PCDH11X: variants seen among roughly 807,000 people sequenced by gnomAD.
The protein encoded by PCDH11X is protocadherin 11 X-linked, also known as protocadherin-11 X-linked.
A neutral mutation model predicts 53.3 loss-of-function variants in PCDH11X; 18 were observed. That is an observed-to-expected ratio of 0.34 (90% CI 0.23 to 0.50). The LOEUF (loss-of-function observed/expected upper bound fraction) is 0.50. PCDH11X is among the 20% of genes least tolerant of loss of function. The probability of loss-of-function intolerance (pLI) is 0.98; values close to 1 mark genes in which losing one functional copy is unlikely to be tolerated. For missense variants in PCDH11X, 570 were observed against 1,032.4 expected (o/e 0.55, Z 6.14); for synonymous variants, 279 against 393.3 (o/e 0.71, Z 3.44).
intron 8 of PCDH11X, among the ~76,000 whole-genome samples, chrX:92,351,921 G>C (rs1010883027): frequency 9.0e-6 from 1 of 111,724 alleles, no homozygotes; most frequent in African/African-American, 3.3e-5. Context: ...TTATAAAGAA[G>C]ACATGTGAAG....
intron 6 of PCDH11X, among the ~76,000 whole-genome samples, chrX:92,020,119 C>T (rs1239871214): frequency 2.7e-5 from 3 of 112,636 alleles, no homozygotes; most frequent in Non-Finnish European, 3.8e-5. Context: ...GCCCCAACCA[C>T]GGAGCTGCAT....
In PCDH11X at chrX:92,575,978, G is replaced by GTATATA. The variant is rs1173562560; in HGVS notation, c.3368-42257_3368-42252dup. Among the ~76,000 whole-genome samples the GTATATA allele has an allele frequency of 1.3e-3, 24 of 18,444 alleles. 1 individual carries two copies. Among genetic ancestry groups the GTATATA allele is most frequent in the African/African-American group, 4.0e-3 (12 of 3,004 alleles). 16.0% of individuals were successfully genotyped at this position (18,444 alleles called of 115,157 possible). ...ACACACACACACACACACCTGGGGT[G>GTATATA]TATATATATATATATATATATATAT... is the stretch of plus-strand genomic sequence containing the variant. On this transcript the variant is annotated intron_variant, in intron 10 of 10. Coordinates refer to ENST00000682573, the MANE Select transcript of PCDH11X (RefSeq NM_032968.5).
chrX:91,969,461 G>C (rs2061916264), intron 6 of PCDH11X, among the ~76,000 whole-genome samples: 1 of 108,847 alleles, frequency 9.2e-6, no homozygotes, highest in Admixed American at 9.9e-5. Context: ...TCAAGATATT[G>C]TTTAGAATTT....
At chrX:92,163,167 T>A (rs1330566784) in intron 6 of PCDH11X, among the ~76,000 whole-genome samples, 1 of 109,019 alleles carries the variant, frequency 9.2e-6, no homozygotes, top group African/African-American at 3.4e-5. Context: ...CCAAAAGGCC[T>A]GTCTCACTCC....
chrX:92,584,172 G>A (rs2148790028), intron 10 of PCDH11X, among the ~76,000 whole-genome samples: 1 of 110,118 alleles, frequency 9.1e-6, no homozygotes, highest in African/African-American at 3.3e-5. Context: ...AATTATATTA[G>A]TGATGAGGGG....
chrX:92,098,560 T>G (rs1276932433), intron 6 of PCDH11X, among the ~76,000 whole-genome samples: 3 of 109,906 alleles, frequency 2.7e-5, no homozygotes, highest in African/African-American at 9.9e-5. Context: ...AGCACAGGCA[T>G]GAGTCTCAAA....
chrX:91,861,532 G>T (rs367553577), intron 5 of PCDH11X, among the ~76,000 whole-genome samples: 8 of 109,813 alleles, frequency 7.3e-5, no homozygotes, highest in African/African-American at 2.7e-4. Context: ...AAACCTTCCA[G>T]TCTGTCAGGC....
At chrX:92,113,319 C>T in intron 6 of PCDH11X, 3 of 1,197,617 alleles carry the variant, frequency 2.5e-6, no homozygotes, top group Non-Finnish European at 2.2e-6. Flanking sequence ...GAAGAGTCCT[C>T]TTGTCTTCTT....
intron 6 of PCDH11X, among the ~76,000 whole-genome samples, chrX:92,029,363 G>T (rs1483235026): frequency 9.0e-6 from 1 of 111,289 alleles, no homozygotes; most frequent in East Asian, 2.8e-4. Flanking sequence ...TCTTTCTATC[G>T]CAGTTTATTG....
At chrX:92,104,655 C>T (rs183323504) in intron 6 of PCDH11X, among the ~76,000 whole-genome samples, 1 of 110,178 alleles carries the variant, frequency 9.1e-6, no homozygotes, top group South Asian at 3.9e-4. Flanking sequence ...CTTAAGAATA[C>T]AGGCTAAGGG....
rs374592794 is a variant in PCDH11X, at chrX:92,196,680, A to G, written c.3034-4695A>G. 2.5e-4 allele frequency among the ~76,000 whole-genome samples: 28 copies of G among 111,716 alleles called. No individual in the cohort carries two copies. In the East Asian group the frequency reaches 7.4e-3, roughly 29 times the overall value. ...TGTTTCAACAAATTTCAGGTGCTTC[A>G]TAGTACCTTACTGATGAGAACTGAG... On this transcript the variant is annotated intron_variant, in intron 6 of 10. Coordinates refer to ENST00000682573, the MANE Select transcript of PCDH11X (RefSeq NM_032968.5).
chrX:91,976,161 T>C (rs1238697253), intron 6 of PCDH11X, among the ~76,000 whole-genome samples: 1 of 111,476 alleles, frequency 9.0e-6, no homozygotes, highest in African/African-American at 3.3e-5. Context: ...CAAGTAATCC[T>C]CCCACCTCAC....
intron 6 of PCDH11X, among the ~76,000 whole-genome samples, chrX:92,148,093 TC>T (rs2065342761): frequency 2.8e-4 from 6 of 21,222 alleles, no homozygotes; most frequent in Non-Finnish European, 4.3e-4. Context: ...TTTCTTTCTT[TC>T]TTTCTTTCTT....
At chrX:92,608,202 A>AT (rs34633988) in intron 10 of PCDH11X, among the ~76,000 whole-genome samples, 20 of 82,373 alleles carry the variant, frequency 2.4e-4, no homozygotes, top group Non-Finnish European at 4.3e-4. Flanking sequence ...GAAAAAGAGA[A>AT]TTTTTTTTTT....
chrX:92,071,748 C>T (rs1041818130), intron 6 of PCDH11X, among the ~76,000 whole-genome samples: 10 of 111,373 alleles, frequency 9.0e-5, no homozygotes, highest in African/African-American at 2.9e-4. Flanking sequence ...AGAGTATGCT[C>T]TTTTCTCTTG....
At chrX:91,871,976 A>T (rs1230878307) in intron 5 of PCDH11X, among the ~76,000 whole-genome samples, 1 of 111,122 alleles carries the variant, frequency 9.0e-6, no homozygotes, top group Non-Finnish European at 1.9e-5. Context: ...TATACTAGAG[A>T]TCAATGCCAT....
intron 6 of PCDH11X, among the ~76,000 whole-genome samples, chrX:92,100,654 G>C (rs938741034): frequency 9.0e-6 from 1 of 111,150 alleles, no homozygotes; most frequent in Admixed American, 9.6e-5. Context: ...AAGTCACAGG[G>C]GATGCGATGG....
At chrX:92,259,183 C>T (rs1193417089) in intron 7 of PCDH11X, among the ~76,000 whole-genome samples, 1 of 111,277 alleles carries the variant, frequency 9.0e-6, no homozygotes, top group Non-Finnish European at 1.9e-5. Flanking sequence ...CTGCCTGTTA[C>T]CAAATTCCAA....
intron 8 of PCDH11X, among the ~76,000 whole-genome samples, chrX:92,317,148 T>C (rs1226256810): frequency 9.1e-6 from 1 of 110,442 alleles, no homozygotes; most frequent in Non-Finnish European, 1.9e-5. Context: ...GAATGTGTTA[T>C]AGCTTGTGAA....
Sources: allele counts gnomAD v4.1 joint callset (sites outside exome capture counted in the v4.1 genomes callset), GRCh38; gene constraint gnomAD v4.1.1; transcripts MANE v1.5; gene names NCBI Gene and HGNC (gene_info 2026-07-23, HGNC 2026-07-21).